The following FOXN4 variants were observed in gnomAD, a reference collection of about 807,000 sequenced individuals.
FOXN4 encodes forkhead box N4, also known as forkhead box protein N4.
Under a neutral mutation model 45.0 loss-of-function variants are expected in FOXN4, and 12 were observed. The ratio of observed to expected loss-of-function variants is 0.27; its 90% CI spans 0.17 to 0.43. The LOEUF (loss-of-function observed/expected upper bound fraction) is 0.43. Ranked by LOEUF, FOXN4 falls within the 20% of genes least tolerant of loss-of-function variation. The pLI, the probability that FOXN4 is intolerant of heterozygous loss-of-function variation, is 1.00. For missense variants in FOXN4, 560 were observed against 694.9 expected (o/e 0.81, Z 2.18); for synonymous variants, 297 against 295.0 (o/e 1.01, Z -0.07).
chr12:109,308,756 T>A (rs1357823109), intron 1 of FOXN4, among the ~76,000 whole-genome samples: 1 of 152,044 alleles, frequency 6.6e-6, no homozygotes, highest in Non-Finnish European at 1.5e-5. Flanking sequence ...GGGAACAAAT[T>A]CCCACTTGCA....
intron 2 of FOXN4, among the ~76,000 whole-genome samples, chr12:109,301,759 G>C (rs1329278437): frequency 6.6e-6 from 1 of 152,220 alleles, no homozygotes; most frequent in African/African-American, 2.4e-5. Flanking sequence ...TTCTGCCATA[G>C]GATGGCAAGG....
At chr12:109,305,792 G>A (rs147890184) in intron 2 of FOXN4, among the ~76,000 whole-genome samples, 2 of 152,216 alleles carry the variant, frequency 1.3e-5, no homozygotes, top group Admixed American at 6.5e-5. Context: ...TTGAATCCAC[G>A]TGAACAGGAA....
intron 8 of FOXN4, among the ~76,000 whole-genome samples, chr12:109,284,288 G>C (rs2047680367): frequency 6.6e-6 from 1 of 152,216 alleles, no homozygotes; most frequent in South Asian, 2.1e-4. Flanking sequence ...CACTGGATAG[G>C]GTTGGGGAGG....
chr12:109,290,992 C>G lies in FOXN4; in HGVS notation c.87-706G>C, dbSNP rs530718086. Among the ~76,000 whole-genome samples the G allele has an allele frequency of 6.6e-6, 1 of 152,080 alleles. No homozygotes were observed. Among genetic ancestry groups the G allele is most frequent in the Non-Finnish European group, 1.5e-5 (1 of 68,014 alleles). Reference sequence around the variant, plus strand: ...ATGAGAAAACTGAGGCTTGGAGCACCGAGTCACCTGCCCAAGGCGACACAG... The same window carrying G: ...ATGAGAAAACTGAGGCTTGGAGCACGGAGTCACCTGCCCAAGGCGACACAG... On this transcript the variant is annotated intron_variant, in intron 2 of 9. Coordinates refer to ENST00000299162, the MANE Select transcript of FOXN4 (RefSeq NM_213596.3). This position sits in a 1 kb window ranked among gnomAD's most constrained non-coding sequence, Gnocchi z 5.1.
In FOXN4 at chr12:109,288,099, C is replaced by CG; in HGVS notation, c.313dup (p.Arg105ProfsTer197). On this transcript the variant is annotated frameshift_variant, in exon 4 of 10. Transcript: ENST00000299162. LOFTEE classifies it high-confidence loss of function. This position sits in a 1 kb window ranked among gnomAD's most constrained non-coding sequence, Gnocchi z 4.3. Reference sequence around the variant, plus strand: ...TATGGGGCCCAGACCTGGCATGCCTCGGGGGGCCATGCCTGCTGGGCCATG... The same window carrying CG: ...TATGGGGCCCAGACCTGGCATGCCTCGGGGGGGCCATGCCTGCTGGGCCATG... The CG allele has an allele frequency of 1.3e-6, 2 of 1,547,060 alleles. No individual in the cohort carries two copies. The highest frequency in any genetic ancestry group is 2.0e-5 in the Admixed American group (1 of 49,888).
intron 2 of FOXN4, among the ~76,000 whole-genome samples, chr12:109,304,263 GAA>G (rs1274930731): frequency 9.3e-4 from 87 of 93,280 alleles, no homozygotes; most frequent in African/African-American, 4.0e-3. Flanking sequence ...AAGAAAGAAA[GAA>G]AGAAAGAAAG....
intron 2 of FOXN4, among the ~76,000 whole-genome samples, chr12:109,292,151 C>T (rs948849507): frequency 6.6e-6 from 1 of 152,206 alleles, no homozygotes; most frequent in Non-Finnish European, 1.5e-5. Flanking sequence ...GCCAGACAAC[C>T]TCCCGGCGCC....
intron 2 of FOXN4, among the ~76,000 whole-genome samples, chr12:109,302,427 A>G (rs2047876433): frequency 6.6e-6 from 1 of 152,214 alleles, no homozygotes; most frequent in Non-Finnish European, 1.5e-5. Flanking sequence ...TTAGGTTGAT[A>G]CAGCAATTGT....
At chr12:109,289,785 G>T (rs2047748598) in intron 3 of FOXN4, among the ~76,000 whole-genome samples, 1 of 152,152 alleles carries the variant, frequency 6.6e-6, no homozygotes, top group Non-Finnish European at 1.5e-5. Context: ...TACAACCCTT[G>T]GAAAATGTAA....
chr12:109,298,922 G>C (rs2047843592), intron 2 of FOXN4, among the ~76,000 whole-genome samples: 1 of 152,114 alleles, frequency 6.6e-6, no homozygotes, highest in Admixed American at 6.5e-5. Flanking sequence ...TAGACAGTGG[G>C]AATAATAATA....
At position 109,279,488 on chromosome 12, in the gene FOXN4, GGA is replaced by G; in HGVS notation, c.*181_*182del. The G allele has an allele frequency of 1.2e-6, 1 of 855,346 alleles. No homozygotes were observed. The highest frequency in any genetic ancestry group is 2.7e-5 in the East Asian group (1 of 37,304). The allele number at this position is 855,346 out of a possible 1,614,324, so 53.0% of individuals were successfully genotyped here. A position where few individuals can be genotyped will look rare whatever the true frequency, so the allele number is the denominator to read the frequency against. ...AGAAACTGCTCCGGAAGCTCCAGGG[GGA>G]GGCACGAGAAGGAGAGGGGCTGCTG... On this transcript the variant is annotated 3_prime_UTR_variant, in exon 10 of 10. Transcript: ENST00000299162.
chr12:109,288,206 T>C lies in FOXN4; in HGVS notation c.233-26A>G. On this transcript the variant is annotated intron_variant, in intron 3 of 9. Coordinates refer to ENST00000299162, the MANE Select transcript of FOXN4 (RefSeq NM_213596.3). The surrounding 1 kb of genome is among the most constrained non-coding windows in gnomAD (Gnocchi z 4.3). ...CTGCCGGAGAGAAGCACAGAGACGC[T>C]GCTGGGCTGGAGGAATGGTGGCTGC... 3.2e-6 allele frequency: 5 copies of C among 1,542,928 alleles called. No homozygotes were observed. The highest frequency in any genetic ancestry group is 4.4e-6 in the Non-Finnish European group (5 of 1,145,266).
In FOXN4 at chr12:109,279,819, G is replaced by A. The variant is rs761568029; in HGVS notation, c.1406C>T (p.Ser469Leu). Residue 469 changes from serine (S) to leucine (L), a missense_variant, in exon 10 of 10, where the codon TCG (serine) becomes TTG (leucine). This residue lies in a region of FOXN4 where 315 missense variants were observed against 350.5 expected (regional missense o/e 0.90). Coordinates refer to ENST00000299162, the MANE Select transcript of FOXN4 (RefSeq NM_213596.3). ...TGGGAAGGACTGGTCGCTGCCACCC[G>A]AGGCAGGGGTTAGGCCTGAGGCCCC... ...DLGASGLTPA[S>L]GGSDQSFPDL... The A allele has an allele frequency of 4.0e-5, 65 of 1,612,956 alleles. 1 individual carries two copies. Among genetic ancestry groups the A allele is most frequent in the Middle Eastern group, 1.6e-4 (1 of 6,082 alleles).
Position 109,281,435 on chromosome 12 carries a change from G to A in FOXN4, c.1266C>T (p.Asp422=), listed in dbSNP as rs376426920. ...TDMNTEVDAL[D]PSIMDFALQG... is the part of the protein sequence containing the mutation. Reference sequence around the variant, plus strand: ...GCAGAGCGAAGTCCATGATGCTCGGGTCGAGGGCATCCACCTCAGTGTTCA... The same window carrying A: ...GCAGAGCGAAGTCCATGATGCTCGGATCGAGGGCATCCACCTCAGTGTTCA... The change falls in exon 9 of 10, where the codon GAC becomes GAT. Residue 422 remains aspartate, a synonymous_variant. Transcript: ENST00000299162. The A allele has an allele frequency of 4.3e-6, 7 of 1,613,876 alleles. No individual in the cohort carries two copies. Among genetic ancestry groups the A allele is most frequent in the Admixed American group, 1.7e-5 (1 of 60,006 alleles).
intron 7 of FOXN4, 76 bp from the exon 8 acceptor site, chr12:109,285,587 T>A: frequency 1.3e-6 from 2 of 1,515,984 alleles, no homozygotes; most frequent in Non-Finnish European, 9.1e-7. Context: ...TACTCAGGCC[T>A]ATAGGGGCAG....
intron 2 of FOXN4, among the ~76,000 whole-genome samples, chr12:109,303,858 C>A (rs192652800): frequency 2.0e-5 from 3 of 152,272 alleles, no homozygotes; most frequent in Admixed American, 2.0e-4. Flanking sequence ...CTCTTGGCCT[C>A]AGTATCCTTA....
Position 109,288,267 on chromosome 12 carries a change from G to A in FOXN4, c.233-87C>T. 2 of 1,484,462 alleles carry A rather than the reference G, an allele frequency of 1.3e-6. No individual in the cohort carries two copies. The highest frequency in any genetic ancestry group is 1.8e-6 in the Non-Finnish European group (2 of 1,122,274). 92.0% of individuals were successfully genotyped at this position (1,484,462 alleles called of 1,614,324 possible). A position where few individuals can be genotyped will look rare whatever the true frequency, so the allele number is the denominator to read the frequency against. On this transcript the variant is annotated intron_variant, in intron 3 of 9. Coordinates refer to ENST00000299162, the MANE Select transcript of FOXN4 (RefSeq NM_213596.3). The surrounding 1 kb of genome is among the most constrained non-coding windows in gnomAD (Gnocchi z 4.3). The stretch of plus-strand genomic sequence containing the variant: ...AGCCCAGTGCCCAGGTGTCTCCGGA[G>A]AACGGAGCCAGCCCCTTTCCTCGGA...
rs574252740 is a variant in FOXN4, at chr12:109,299,357, TGTGCAC to T, written c.86+8873_86+8878del. ...CACTACGCACACGGATGCACACATGTGTGCACACACACGTGCACACACACAACACAC... is the reference window on the plus strand; with the variant it reads ...CACTACGCACACGGATGCACACATGTACACACGTGCACACACACAACACAC... On this transcript the variant is annotated intron_variant, in intron 2 of 9. Transcript: ENST00000299162. Among the ~76,000 whole-genome samples the T allele has an allele frequency of 2.2e-3, 333 of 152,160 alleles. 1 individual carries two copies. The highest frequency in any genetic ancestry group is 7.3e-3 in the African/African-American group (304 of 41,524).
Position 109,288,285 on chromosome 12 carries a change from T to G in FOXN4, c.233-105A>C. 6.9e-7 allele frequency: 1 copy of G among 1,449,244 alleles called. No individual in the cohort carries two copies. Among genetic ancestry groups the G allele is most frequent in the Non-Finnish European group, 9.1e-7 (1 of 1,097,196 alleles). The allele number at this position is 1,449,244 out of a possible 1,614,324, so 89.8% of individuals were successfully genotyped here. Reference sequence around the variant, plus strand: ...CTCCGGAGAACGGAGCCAGCCCCTTTCCTCGGACCAGGCACATAGTAGGTG... The same window carrying G: ...CTCCGGAGAACGGAGCCAGCCCCTTGCCTCGGACCAGGCACATAGTAGGTG... On this transcript the variant is annotated intron_variant, in intron 3 of 9. Coordinates refer to ENST00000299162, the MANE Select transcript of FOXN4 (RefSeq NM_213596.3). This position sits in a 1 kb window ranked among gnomAD's most constrained non-coding sequence, Gnocchi z 4.3.
Sources: gnomAD v4.1 joint callset for allele counts (sites outside exome capture counted in the v4.1 genomes callset) on GRCh38, gnomAD v4.1.1 for gene constraint, gnomAD v4.1.1 regional missense constraint, Gnocchi (gnomAD v3.1) non-coding constraint, MANE v1.5 for transcripts, NCBI Gene and HGNC (gene_info 2026-07-23, HGNC 2026-07-21) for gene names.